The following ATP2B2 variants were observed in gnomAD, a reference collection of about 807,000 sequenced individuals.
The protein encoded by ATP2B2 is plasma membrane calcium-transporting ATPase 2.
Under a neutral mutation model 120.0 loss-of-function variants are expected in ATP2B2, and 15 were observed. That is an observed-to-expected ratio of 0.12 (90% CI 0.08 to 0.19). The LOEUF (loss-of-function observed/expected upper bound fraction) is 0.19, where lower values mean the gene tolerates loss of function less well. Ranked by LOEUF, ATP2B2 falls within the 10% of genes least tolerant of loss-of-function variation. ATP2B2 has a pLI of 1.00. For synonymous variants in ATP2B2, 694 were observed against 700.3 expected (o/e 0.99, Z 0.14); for missense variants, 1,045 against 1,719.8 (o/e 0.61, Z 6.94).
intron 14 of ATP2B2, among the ~76,000 whole-genome samples, chr3:10,355,532 G>C (rs912000717): frequency 6.6e-6 from 1 of 152,156 alleles, no homozygotes; most frequent in African/African-American, 2.4e-5. Flanking sequence ...GGGGCACCTG[G>C]GCTGACCTCC....
intron 2 of ATP2B2, among the ~76,000 whole-genome samples, chr3:10,608,288 G>A (rs2069138955): frequency 6.6e-6 from 1 of 152,256 alleles, no homozygotes; most frequent in Non-Finnish European, 1.5e-5. Flanking sequence ...ACTGGGCATG[G>A]TGGCTTGTGC....
At chr3:10,507,932 G>T (rs999421231), upstream of ATP2B2, among the ~76,000 whole-genome samples, 1 of 116,592 alleles carries the variant, frequency 8.6e-6, no homozygotes, top group Non-Finnish European at 2.0e-5. Context: ...GCCTGCATGC[G>T]CAGGCCATCA....
intron 1 of ATP2B2, among the ~76,000 whole-genome samples, chr3:10,487,242 GCA>G (rs1209450446): frequency 6.6e-6 from 1 of 151,612 alleles, no homozygotes; most frequent in East Asian, 1.9e-4. Flanking sequence ...ATGTGTGTGC[GCA>G]CACACACACA....
chr3:10,457,436 G>A (rs535546182), intron 1 of ATP2B2, among the ~76,000 whole-genome samples: 3 of 152,228 alleles, frequency 2.0e-5, no homozygotes, highest in South Asian at 4.1e-4. Context: ...GTAAGTGACC[G>A]TGCTTTGTGT....
intron 2 of ATP2B2, among the ~76,000 whole-genome samples, chr3:10,570,945 C>G (rs2068110052): frequency 6.6e-6 from 1 of 152,256 alleles, no homozygotes; most frequent in Non-Finnish European, 1.5e-5. Flanking sequence ...ACTGCCATTA[C>G]TGAAGCACAC....
At chr3:10,503,647 GTCT>G (rs1559422719) in intron 1 of ATP2B2, among the ~76,000 whole-genome samples, 2 of 152,246 alleles carry the variant, frequency 1.3e-5, no homozygotes. Context: ...GCCTGTGGCC[GTCT>G]TCTTATGTGT....
chr3:10,397,601 G>T (rs546955629), intron 5 of ATP2B2, among the ~76,000 whole-genome samples: 2 of 152,154 alleles, frequency 1.3e-5, no homozygotes, highest in African/African-American at 4.8e-5. Flanking sequence ...AGTTAAGTGG[G>T]CAAAGAGGAA....
intron 2 of ATP2B2, among the ~76,000 whole-genome samples, chr3:10,597,586 C>T (rs2068804259): frequency 1.3e-5 from 2 of 152,174 alleles, no homozygotes; most frequent in Non-Finnish European, 2.9e-5. Context: ...GCCCCCTCAC[C>T]CCTATAGCCA....
chr3:10,486,910 G>C (rs1287983846), intron 1 of ATP2B2, among the ~76,000 whole-genome samples: 1 of 152,116 alleles, frequency 6.6e-6, no homozygotes. Context: ...AGTAGAGATG[G>C]GGTTTCATCT....
intron 5 of ATP2B2, among the ~76,000 whole-genome samples, chr3:10,393,958 G>A (rs1036433622): frequency 6.6e-6 from 1 of 152,196 alleles, no homozygotes; most frequent in Non-Finnish European, 1.5e-5. Context: ...GCTGTGGCTT[G>A]TGGGGTATGC....
chr3:10,468,549 TTAC>T (rs576981929), intron 1 of ATP2B2, among the ~76,000 whole-genome samples: 43 of 152,316 alleles, frequency 2.8e-4, no homozygotes, highest in African/African-American at 1.0e-3. Context: ...CTATAAATAA[TTAC>T]TGTTATTTGA....
At chr3:10,406,984 T>C (rs2062434812) in intron 3 of ATP2B2, among the ~76,000 whole-genome samples, 1 of 152,150 alleles carries the variant, frequency 6.6e-6, no homozygotes, top group Non-Finnish European at 1.5e-5. Flanking sequence ...GTCAGCCCTG[T>C]AGTGCTGCCA....
intron 1 of ATP2B2, among the ~76,000 whole-genome samples, chr3:10,631,390 A>T (rs1389790183): frequency 3.3e-5 from 5 of 152,244 alleles, no homozygotes; most frequent in African/African-American, 1.2e-4. Flanking sequence ...GATAAACATT[A>T]TTAGCCCATT....
chr3:10,619,210 T>G (rs2069479221), intron 2 of ATP2B2, among the ~76,000 whole-genome samples: 1 of 152,074 alleles, frequency 6.6e-6, no homozygotes, highest in African/African-American at 2.4e-5. Context: ...GCCTCAAGCT[T>G]GTTTTCTCGG....
chr3:10,406,822 G>A (rs1246835002), intron 3 of ATP2B2, among the ~76,000 whole-genome samples: 1 of 152,240 alleles, frequency 6.6e-6, no homozygotes, highest in Admixed American at 6.5e-5. Context: ...GTCTTACAGA[G>A]GGAGAAGGTA....
At chr3:10,527,958 T>G (rs1575461696) in intron 3 of ATP2B2, among the ~76,000 whole-genome samples, 4 of 130,850 alleles carry the variant, frequency 3.1e-5, no homozygotes, top group African/African-American at 8.5e-5. Context: ...AGGAGGGAGG[T>G]GGGGTGGGGA....
rs1299246975 is a variant in ATP2B2 at position 10,402,850 on chromosome 3, G to A, written c.398-502C>T. 6.6e-6 allele frequency among the ~76,000 whole-genome samples: 1 copy of A among 152,180 alleles called. No homozygotes were observed. The highest frequency in any genetic ancestry group is 2.4e-5 in the African/African-American group (1 of 41,416). On this transcript the variant is annotated intron_variant, in intron 3 of 22. Coordinates refer to ENST00000360273, the MANE Select transcript of ATP2B2 (RefSeq NM_001001331.4). This position sits in a 1 kb window ranked among gnomAD's most constrained non-coding sequence, Gnocchi z 4.9. ...TACAGCACAGACAAGGCACAGAGGA[G>A]AGAAAAGAGAATTTTCTCTAATTGA... is the stretch of plus-strand genomic sequence containing the variant.
intron 1 of ATP2B2, among the ~76,000 whole-genome samples, chr3:10,490,635 G>A (rs2065899481): frequency 6.6e-6 from 1 of 151,918 alleles, no homozygotes; most frequent in Non-Finnish European, 1.5e-5. Flanking sequence ...CTGGCCTCAA[G>A]TGATCTGCCC....
At chr3:10,616,079 C>A (rs2069377851) in intron 2 of ATP2B2, among the ~76,000 whole-genome samples, 1 of 152,224 alleles carries the variant, frequency 6.6e-6, no homozygotes, top group Non-Finnish European at 1.5e-5. Flanking sequence ...GATCCCACTA[C>A]AGTTCCAAGT....
Sources: allele counts gnomAD v4.1 joint callset (sites outside exome capture counted in the v4.1 genomes callset), GRCh38; gene constraint gnomAD v4.1.1; non-coding constraint Gnocchi (gnomAD v3.1); transcripts MANE v1.5; gene names NCBI Gene and HGNC (gene_info 2026-07-23, HGNC 2026-07-21).